The following ANO7 variants were observed in gnomAD, a reference collection of about 807,000 sequenced individuals.
ANO7 encodes the protein anoctamin-7.
ANO7 carries 114 observed loss-of-function variants against 115.8 expected under a neutral mutation model. The ratio of observed to expected loss-of-function variants is 0.98; its 90% CI spans 0.85 to 1.15. The LOEUF (loss-of-function observed/expected upper bound fraction) is 1.15, where lower values mean the gene tolerates loss of function less well. Ranked by LOEUF, ANO7 falls within the 50% of genes most tolerant of loss-of-function variation. The pLI is 0.00. For missense variants in ANO7, 1,302 were observed against 1,201.2 expected (o/e 1.08, Z -1.24); for synonymous variants, 550 against 498.2 (o/e 1.10, Z -1.38).
rs2069084771 is a variant in ANO7 at position 241,223,790 on chromosome 2, T to C, written c.2532+9T>C. On this transcript the variant is annotated intron_variant, in intron 23 of 24. Transcript: ENST00000674324. ...CACTGGCTGAGAATGAGGTGAACTG[T>C]ACAGCCCAGTCTCGGCCCTCCCCCC... The C allele has an allele frequency of 1.2e-6, 2 of 1,614,100 alleles. No homozygotes were observed. Among genetic ancestry groups the C allele is most frequent in the African/African-American group, 1.3e-5 (1 of 74,948 alleles).
At chr2:241,222,272 A>AAAT (rs1484102706) in intron 21 of ANO7, among the ~76,000 whole-genome samples, 1 of 144,358 alleles carries the variant, frequency 6.9e-6, no homozygotes, top group East Asian at 2.0e-4. Context: ...ATAAATAAAT[A>AAAT]AAGTGCTGGG....
intron 10 of ANO7, 63 bp downstream of exon 10, chr2:241,205,018 G>A: frequency 2.0e-6 from 3 of 1,480,852 alleles, no homozygotes; most frequent in Non-Finnish European, 2.8e-6. Context: ...GTGTGGGGCG[G>A]GGGGACCCCT....
chr2:241,231,611 C>T, the ANO7 span, among the ~76,000 whole-genome samples: 1 of 152,136 alleles, frequency 6.6e-6, no homozygotes, highest in Non-Finnish European at 1.5e-5. Context: ...CCCACGTGGG[C>T]CACAGTCTGG....
At chr2:241,209,106 G>C (rs181725526) in intron 11 of ANO7, among the ~76,000 whole-genome samples, 179 bp from the exon 12 acceptor site, 1 of 152,186 alleles carries the variant, frequency 6.6e-6, no homozygotes, top group Admixed American at 6.5e-5. Context: ...CCGAGATCGC[G>C]CCACTGCACT....
chr2:241,238,405 T>G, the ANO7 span: 1 of 345,922 alleles, frequency 2.9e-6, no homozygotes, highest in Non-Finnish European at 5.2e-6. This position sits in a 1 kb window ranked among gnomAD's most constrained non-coding sequence, Gnocchi z 4.9. Flanking sequence ...CCTCATCGCC[T>G]TGGGACTGGC....
the ANO7 span, chr2:241,236,809 G>C: frequency 3.1e-6 from 5 of 1,603,474 alleles, no homozygotes; most frequent in Admixed American, 3.4e-5. Context: ...ACAGCTGCTG[G>C]AAGAGACCCC....
At chr2:241,191,906 G>A (rs910304329) in intron 3 of ANO7, among the ~76,000 whole-genome samples, 2 of 152,224 alleles carry the variant, frequency 1.3e-5, no homozygotes, top group Non-Finnish European at 2.9e-5. Context: ...CAGAGTTCCC[G>A]TAAAAGCCAG....
intron 6 of ANO7, among the ~76,000 whole-genome samples, chr2:241,200,487 G>A (rs975737754): frequency 6.6e-6 from 1 of 152,270 alleles, no homozygotes; most frequent in African/African-American, 2.4e-5. Context: ...TCCTGCTCAG[G>A]CACACGTGTG....
chr2:241,235,875 G>A, the ANO7 span, among the ~76,000 whole-genome samples: 83 of 152,306 alleles, frequency 5.4e-4, no homozygotes, highest in Non-Finnish European at 1.0e-3. Flanking sequence ...GAGAGGCCCT[G>A]ACTCCTGGCA....
At chr2:241,219,956 C>T (rs937876141) in intron 21 of ANO7, among the ~76,000 whole-genome samples, 3 of 152,202 alleles carry the variant, frequency 2.0e-5, no homozygotes, top group Non-Finnish European at 2.9e-5. Flanking sequence ...TGACTAGGAT[C>T]TTCACATGCC....
Position 241,209,267 on chromosome 2 carries a change from C to A in ANO7, c.1078-18C>A. 1.3e-6 allele frequency: 2 copies of A among 1,545,330 alleles called. No homozygotes were observed. Among genetic ancestry groups the A allele is most frequent in the Non-Finnish European group, 1.7e-6 (2 of 1,146,286 alleles). ...TCCAGTCCCAAGCAAGTCTGGACGC[C>A]CCCGCTCCCTGCCACAGGCCGGCCG... On this transcript the variant is annotated intron_variant, in intron 11 of 24. Transcript: ENST00000674324.
chr2:241,201,715 C>T (rs1268715579), intron 7 of ANO7, among the ~76,000 whole-genome samples: 1 of 152,208 alleles, frequency 6.6e-6, no homozygotes, highest in East Asian at 1.9e-4. Flanking sequence ...CCAGGCGGGG[C>T]AGGCCCAAGG....
chr2:241,218,710 T>C (rs1006654092), intron 21 of ANO7, among the ~76,000 whole-genome samples: 16 of 152,170 alleles, frequency 1.1e-4, no homozygotes, highest in African/African-American at 3.9e-4. Flanking sequence ...GCCGGGGGCG[T>C]CGGCAGACTC....
At chr2:241,211,334 T>C (rs80091319) in intron 15 of ANO7, among the ~76,000 whole-genome samples, 13 of 151,726 alleles carry the variant, frequency 8.6e-5, no homozygotes, top group African/African-American at 2.9e-4. Flanking sequence ...CCATCGGTCT[T>C]TTTCTCTGTC....
intron 4 of ANO7, 99 bp from the exon 5 acceptor site, chr2:241,199,217 G>A: frequency 9.5e-7 from 1 of 1,049,022 alleles, no homozygotes; most frequent in South Asian, 1.3e-5. Context: ...CACGGCTACA[G>A]AAATGCCAGT....
At position 241,195,685 on chromosome 2, in the gene ANO7, G is replaced by C; in HGVS notation, c.167-18G>C. ...GCCACTTAGCCAGGCTCCTGCCTCT[G>C]TCCCTGTTGGCTCCCAGCAGACTTC... On this transcript the variant is annotated intron_variant, in intron 3 of 24. Transcript: ENST00000674324. 6.2e-7 allele frequency: 1 copy of C among 1,612,902 alleles called. No homozygotes were observed. Among genetic ancestry groups the C allele is most frequent in the Non-Finnish European group, 8.5e-7 (1 of 1,179,496 alleles).
At chr2:241,192,281 C>T (rs562512772) in intron 3 of ANO7, among the ~76,000 whole-genome samples, 3 of 152,242 alleles carry the variant, frequency 2.0e-5, no homozygotes, top group East Asian at 3.9e-4. Context: ...ACCGAGGTCG[C>T]GCCATTGCAC....
At position 241,210,470 on chromosome 2, in the gene ANO7, C is replaced by T. The variant is rs143911190; in HGVS notation, c.1461C>T (p.Ala487=). The T allele has an allele frequency of 1.7e-5, 27 of 1,613,918 alleles. No homozygotes were observed. The highest frequency in any genetic ancestry group is 2.1e-5 in the Non-Finnish European group (25 of 1,179,992). The change falls in exon 15 of 25, where the codon GCC becomes GCT. Residue 487 remains alanine, a splice_region_variant and synonymous_variant. Coordinates refer to ENST00000674324, the MANE Select transcript of ANO7 (RefSeq NM_001370694.2). ...TCTGACGGCCTGTCTCCCGTTAGGC[C>T]TCTCGCATCGCCAGCCTCACGGGGT... is the stretch of plus-strand genomic sequence containing the variant. ...RSGNTLLAAW[A]SRIASLTGSV...
In ANO7 at chr2:241,217,775, T is replaced by C. The variant is rs767288420; in HGVS notation, c.2062T>C (p.Leu688=). 6.2e-7 allele frequency: 1 copy of C among 1,609,636 alleles called. No individual in the cohort carries two copies. The highest frequency in any genetic ancestry group is 8.5e-7 in the Non-Finnish European group (1 of 1,178,666). Residue 688 remains leucine (L), a synonymous_variant, in exon 20 of 25, where the codon TTG becomes CTG. Coordinates refer to ENST00000674324, the MANE Select transcript of ANO7 (RefSeq NM_001370694.2). ...ALLNNWVEIR[L]DARKFVCEYR... Reference sequence around the variant, plus strand: ...GCTCAACAACTGGGTGGAGATCCGCTTGGACGCGCGCAAGTTCGTCTGCGA... The same window carrying C: ...GCTCAACAACTGGGTGGAGATCCGCCTGGACGCGCGCAAGTTCGTCTGCGA...
Sources: allele counts gnomAD v4.1 joint callset (sites outside exome capture counted in the v4.1 genomes callset), GRCh38; gene constraint gnomAD v4.1.1; non-coding constraint Gnocchi (gnomAD v3.1); transcripts MANE v1.5; gene names NCBI Gene and HGNC (gene_info 2026-07-23, HGNC 2026-07-21).